Variants in SIRPD observed in about 807,000 individuals in gnomAD.
SIRPD encodes the protein signal-regulatory protein delta.
Under a neutral mutation model 18.0 loss-of-function variants are expected in SIRPD, and 21 were observed. The ratio of observed to expected loss-of-function variants is 1.17; its 90% CI spans 0.83 to 1.68. The LOEUF is 1.68. SIRPD is among the 40% of genes most tolerant of loss of function. SIRPD has a pLI of 0.00. For missense variants in SIRPD, 295 were observed against 238.4 expected (o/e 1.24, Z -1.56); for synonymous variants, 106 against 92.9 (o/e 1.14, Z -0.81).
intron 2 of SIRPD, among the ~76,000 whole-genome samples, chr20:1,547,650 G>C (rs777620937): frequency 1.6e-4 from 24 of 152,134 alleles, no homozygotes; most frequent in Non-Finnish European, 2.9e-4. Context: ...CCACATGAAT[G>C]TTAAGATCAG....
At chr20:1,553,484 A>C (rs1390305967) in intron 1 of SIRPD, among the ~76,000 whole-genome samples, 3 of 152,156 alleles carry the variant, frequency 2.0e-5, no homozygotes, top group African/African-American at 7.2e-5. Context: ...AGAAGCTAAG[A>C]TGTGGCTACT....
At chr20:1,553,191 C>T (rs2091026872) in intron 1 of SIRPD, among the ~76,000 whole-genome samples, 1 of 152,150 alleles carries the variant, frequency 6.6e-6, no homozygotes, top group East Asian at 1.9e-4. Flanking sequence ...ACACAAGACC[C>T]CTCATTCTGG....
chr20:1,538,018 G>C (rs2090955081), intron 2 of SIRPD, among the ~76,000 whole-genome samples: 1 of 152,086 alleles, frequency 6.6e-6, no homozygotes, highest in Non-Finnish European at 1.5e-5. Context: ...GAGTGGAGGA[G>C]ATGTAGAAAC....
chr20:1,553,152 T>C (rs1008187314), intron 1 of SIRPD, among the ~76,000 whole-genome samples: 3 of 152,082 alleles, frequency 2.0e-5, no homozygotes, highest in Non-Finnish European at 2.9e-5. Context: ...GGGAAGGCTT[T>C]TTGCAAAAAA....
intron 2 of SIRPD, among the ~76,000 whole-genome samples, chr20:1,550,176 G>A (rs1476094958): frequency 6.6e-6 from 1 of 152,182 alleles, no homozygotes; most frequent in Non-Finnish European, 1.5e-5. Flanking sequence ...TTCCTCATCT[G>A]ATAAGGTAGG....
rs59506879 is a variant in SIRPD, at chr20:1,549,408, G to C, written c.421+2283C>G. Reference sequence around the variant, plus strand: ...GTTTGTTTTTGGTATACTTGTCATAGTTTTCTGTTCTATTGCATGTCTCAC... The same window carrying C: ...GTTTGTTTTTGGTATACTTGTCATACTTTTCTGTTCTATTGCATGTCTCAC... On this transcript the variant is annotated intron_variant, in intron 2 of 3. Coordinates refer to ENST00000381623, the MANE Select transcript of SIRPD (RefSeq NM_178460.3). Among the ~76,000 whole-genome samples the C allele has an allele frequency of 8.9e-3, 1,341 of 150,902 alleles. 21 individuals are homozygous for C. Among genetic ancestry groups the C allele is most frequent in the African/African-American group, 0.032 (1,307 of 41,114 alleles).
At chr20:1,544,544 A>T (rs2090985635) in intron 2 of SIRPD, among the ~76,000 whole-genome samples, 1 of 151,864 alleles carries the variant, frequency 6.6e-6, no homozygotes, top group Non-Finnish European at 1.5e-5. Flanking sequence ...TGAATACAAC[A>T]CACCGATGGG....
chr20:1,540,396 A>G (rs1314423466), intron 2 of SIRPD: 6 of 448,676 alleles, frequency 1.3e-5, no homozygotes, highest in African/African-American at 2.0e-5. Flanking sequence ...CAATTTACAC[A>G]TTTAAAATGT....
intron 2 of SIRPD, among the ~76,000 whole-genome samples, chr20:1,549,752 A>T (rs895345532): frequency 1.1e-4 from 16 of 152,136 alleles, no homozygotes; most frequent in Non-Finnish European, 2.1e-4. Flanking sequence ...AATTTTCACC[A>T]GTTTCCATGG....
In SIRPD at chr20:1,553,572, T is replaced by A. The variant is rs192666774; in HGVS notation, c.74-1534A>T. ...TGCATATACCTGGGCCCAGGTTTCT[T>A]CGTAAAACCTTAGAAGTCAGTCAGC... On this transcript the variant is annotated intron_variant, in intron 1 of 3. Transcript: ENST00000381623. Among the ~76,000 whole-genome samples, 164 of 152,314 alleles carry A rather than the reference T, an allele frequency of 1.1e-3. No individual in the cohort carries two copies. In the Middle Eastern group the frequency reaches 0.024, roughly 22 times the overall value.
At chr20:1,548,514 GTATT>G (rs2040858987) in intron 2 of SIRPD, among the ~76,000 whole-genome samples, 1 of 151,992 alleles carries the variant, frequency 6.6e-6, no homozygotes, top group Non-Finnish European at 1.5e-5. Context: ...CAGTTTGCTA[GTATT>G]TTCTTAAGGG....
chr20:1,549,394 G>A (rs1176576666), intron 2 of SIRPD, among the ~76,000 whole-genome samples: 1 of 150,422 alleles, frequency 6.6e-6, no homozygotes, highest in East Asian at 1.9e-4. Flanking sequence ...TTTGTTTTTG[G>A]TATACTTGTC....
At chr20:1,540,184 A>G (rs551079310) in intron 2 of SIRPD, 126 of 411,958 alleles carry the variant, frequency 3.1e-4, no homozygotes, top group South Asian at 1.7e-3. Context: ...TATGCTGCTG[A>G]CAGGCCAGGG....
At chr20:1,546,040 A>G (rs1320133195) in intron 2 of SIRPD, among the ~76,000 whole-genome samples, 1 of 152,286 alleles carries the variant, frequency 6.6e-6, no homozygotes, top group South Asian at 2.1e-4. Context: ...GCTCTCCTGT[A>G]TGAGGTGTCT....
chr20:1,549,299 G>T (rs1312716231), intron 2 of SIRPD, among the ~76,000 whole-genome samples: 2 of 150,958 alleles, frequency 1.3e-5, no homozygotes, highest in African/African-American at 4.9e-5. Flanking sequence ...GAACATATTT[G>T]TAATGGTTAC....
In SIRPD at chr20:1,537,096, C is replaced by T. The variant is rs553699904; in HGVS notation, c.577+59G>A. On this transcript the variant is annotated intron_variant, in intron 3 of 3. Coordinates refer to ENST00000381623, the MANE Select transcript of SIRPD (RefSeq NM_178460.3). ...CCCACTGCAGGTGGCGAAATGGTAC[C>T]GCCGCCAAACTCAGGAGAGCATCCC... is the stretch of plus-strand genomic sequence containing the variant. 5.5e-5 allele frequency: 86 copies of T among 1,574,570 alleles called. 1 individual carries two copies. In the East Asian group the frequency reaches 1.3e-3, roughly 24 times the overall value.
rs564343020 is a variant in SIRPD, at chr20:1,547,086, A to G, written c.421+4605T>C. Among the ~76,000 whole-genome samples, 16 of 152,334 alleles carry G rather than the reference A, an allele frequency of 1.1e-4. No individual in the cohort carries two copies. The South Asian group carries it at 2.9e-3, about 28-fold the overall frequency. On this transcript the variant is annotated intron_variant, in intron 2 of 3. Transcript: ENST00000381623. ...TTTTGATACTATGCTTAAGAAGCCA[A>G]TGCAAAATCTGATGTCATTAAGATT...
In SIRPD at chr20:1,534,380, A is replaced by G; in HGVS notation, c.*45T>C. On this transcript the variant is annotated 3_prime_UTR_variant, in exon 4 of 4. Coordinates refer to ENST00000381623, the MANE Select transcript of SIRPD (RefSeq NM_178460.3). ...GCTGTCTCCAGGGAGTCAGAAGAGT[A>G]TGGGGGCTTTTGTTATTTACTTGTA... is the stretch of plus-strand genomic sequence containing the variant. 1 of 1,611,706 alleles carries G rather than the reference A, an allele frequency of 6.2e-7. No homozygotes were observed. The highest frequency in any genetic ancestry group is 8.5e-7 in the Non-Finnish European group (1 of 1,179,586).
At chr20:1,537,358 A>G (rs1204925106) in intron 2 of SIRPD, 48 bp from the exon 3 acceptor site, 13 of 1,577,706 alleles carry the variant, frequency 8.2e-6, no homozygotes, top group East Asian at 2.3e-5. Flanking sequence ...AGAGGAAGTT[A>G]CTATGATGGG....
Sources: allele counts gnomAD v4.1 joint callset (sites outside exome capture counted in the v4.1 genomes callset), GRCh38; gene constraint gnomAD v4.1.1; transcripts MANE v1.5; gene names NCBI Gene and HGNC (gene_info 2026-07-23, HGNC 2026-07-21).